The following TNRC18 variants were observed in gnomAD, a reference collection of about 807,000 sequenced individuals.
TNRC18 encodes the protein trinucleotide repeat-containing gene 18 protein.
Under a neutral mutation model 226.7 loss-of-function variants are expected in TNRC18, and 69 were observed. The ratio of observed to expected loss-of-function variants is 0.30; its 90% confidence interval spans 0.25 to 0.37. The LOEUF (loss-of-function observed/expected upper bound fraction) is 0.37. Ranked by LOEUF, TNRC18 falls within the 10% of genes least tolerant of loss-of-function variation. TNRC18 has a pLI of 1.00. For missense variants in TNRC18, 4,754 were observed against 4,256.6 expected (o/e 1.12, Z -3.25); for synonymous variants, 2,449 against 1,927.6 (o/e 1.27, Z -7.09).
chr7:5,315,433 T>G (rs1307583254), intron 25 of TNRC18, among the ~76,000 whole-genome samples: 3 of 151,428 alleles, frequency 2.0e-5, no homozygotes, highest in Non-Finnish European at 1.5e-5. Flanking sequence ...TTTTTTTTTT[T>G]TTTTTTTTTA....
At chr7:5,387,643 C>G (rs1253889391) in intron 5 of TNRC18, 29 bp downstream of exon 5, 5 of 1,600,374 alleles carry the variant, frequency 3.1e-6, no homozygotes, top group Non-Finnish European at 4.2e-6. Flanking sequence ...CAAGATCCTA[C>G]CCGCACCTGG....
At chr7:5,386,181 G>C (rs955064428) in intron 5 of TNRC18, among the ~76,000 whole-genome samples, 2 of 144,358 alleles carry the variant, frequency 1.4e-5, no homozygotes, top group Non-Finnish European at 3.0e-5. Context: ...CCAGCTACTC[G>C]GGAGGCTGAG....
chr7:5,368,825 T>C (rs557046647), intron 11 of TNRC18, among the ~76,000 whole-genome samples: 1 of 152,104 alleles, frequency 6.6e-6, no homozygotes, highest in African/African-American at 2.4e-5. Context: ...TCAACGGGTG[T>C]TGCCCCGGCC....
In TNRC18 at chr7:5,312,893, G is replaced by C. The variant is rs1460867710; in HGVS notation, c.7998C>G (p.Ser2666=). Residue 2666 remains serine, a synonymous_variant, in exon 27 of 30, where the codon TCC becomes TCG. Transcript: ENST00000430969. This position sits in a 1 kb window ranked among gnomAD's most constrained non-coding sequence, Gnocchi z 6.3. ...SSSSSSSSSS[S]SSSSSTTDED... The stretch of plus-strand genomic sequence containing the variant: ...CGTCTGTGGTGGAGGAAGAAGAGGA[G>C]GAAGAGGAGGAGGAGGAGGAGGATG... 6.6e-7 allele frequency: 1 copy of C among 1,519,998 alleles called. No individual in the cohort carries two copies. Among genetic ancestry groups the C allele is most frequent in the African/African-American group, 1.4e-5 (1 of 73,008 alleles). 94.2% of individuals were successfully genotyped at this position (1,519,998 alleles called of 1,614,324 possible). A position where few individuals can be genotyped will look rare whatever the true frequency, so the allele number is the denominator to read the frequency against.
At chr7:5,339,492 G>C (rs965266904) in intron 18 of TNRC18, among the ~76,000 whole-genome samples, 1 of 151,326 alleles carries the variant, frequency 6.6e-6, no homozygotes, top group East Asian at 2.0e-4. Context: ...TATCTGCCTC[G>C]GCCTCCCAAA....
chr7:5,332,587 C>G lies in TNRC18; in HGVS notation c.6147+35G>C. On this transcript the variant is annotated intron_variant, in intron 19 of 29. Coordinates refer to ENST00000430969, the MANE Select transcript of TNRC18 (RefSeq NM_001080495.3). ...CCCTCCCTCACGGAACCCCAGGGAC[C>G]CTTCTGCGGCACCCCCTCCCAGCGC... The G allele has an allele frequency of 2.0e-6, 3 of 1,504,192 alleles. No individual in the cohort carries two copies. The South Asian group carries it at 3.8e-5, about 19-fold the overall frequency. The allele number at this position is 1,504,192 out of a possible 1,614,324, so 93.2% of individuals were successfully genotyped here. A position where few individuals can be genotyped will look rare whatever the true frequency, so the allele number is the denominator to read the frequency against.
rs140781391 is a variant in TNRC18 at position 5,313,622 on chromosome 7, G to T, written c.7269C>A (p.Ala2423=). 170,825 of 1,602,592 alleles carry T rather than the reference G, an allele frequency of 0.11. 9,949 individuals carry two copies. The highest frequency in any genetic ancestry group is 0.19 in the Admixed American group (11,239 of 57,784). Reference sequence around the variant, plus strand: ...CAGGCATGGTGATGAGGGGTGCTGGGGCCAGGGAGGTGGCAGGAGCTGGCA... The same window carrying T: ...CAGGCATGGTGATGAGGGGTGCTGGTGCCAGGGAGGTGGCAGGAGCTGGCA... ...AELPAPATSL[A]PAPLITMPAT... Residue 2423 remains alanine (A), a synonymous_variant, in exon 27 of 30, where the codon GCC becomes GCA. Coordinates refer to ENST00000430969, the MANE Select transcript of TNRC18 (RefSeq NM_001080495.3).
rs766659675 is a variant in TNRC18 at position 5,376,194 on chromosome 7, G to A, written c.2639C>T (p.Pro880Leu). 1 of 1,535,182 alleles carries A rather than the reference G, an allele frequency of 6.5e-7. No individual in the cohort carries two copies. Among genetic ancestry groups the A allele is most frequent in the Non-Finnish European group, 8.7e-7 (1 of 1,143,484 alleles). ...AELMERATVPPLWPALYPPGR... is the reference protein window; with the variant it reads ...AELMERATVPLLWPALYPPGR... Reference sequence around the variant, plus strand: ...CGGCGGGTACAGGGCGGGCCAGAGGGGCGGTACGGTGGCCCGCTCCATCAG... The same window carrying A: ...CGGCGGGTACAGGGCGGGCCAGAGGAGCGGTACGGTGGCCCGCTCCATCAG... Residue 880 changes from proline to leucine, a missense_variant, in exon 9 of 30, where the codon CCC (proline) becomes CTC (leucine). Pro to Leu is a moderately conservative substitution (Grantham distance 98). Transcript: ENST00000430969.
intron 2 of TNRC18, chr7:5,419,843 A>C (rs547894743): frequency 5.2e-4 from 79 of 152,408 alleles, no homozygotes; most frequent in African/African-American, 1.8e-3. Flanking sequence ...TCAAAGAGAG[A>C]GCAAAATCGG....
At chr7:5,398,687 AG>A (rs1780874981) in intron 2 of TNRC18, among the ~76,000 whole-genome samples, 1 of 151,672 alleles carries the variant, frequency 6.6e-6, no homozygotes, top group African/African-American at 2.4e-5. Context: ...GCTCAATCAT[AG>A]CTCACTACAG....
intron 5 of TNRC18, among the ~76,000 whole-genome samples, chr7:5,385,747 G>A (rs975187395): frequency 4.6e-5 from 7 of 151,594 alleles, no homozygotes; most frequent in Non-Finnish European, 8.8e-5. Flanking sequence ...GCTGAGGCAG[G>A]TGGATCAACT....
intron 19 of TNRC18, among the ~76,000 whole-genome samples, chr7:5,332,134 G>C (rs997450389): frequency 2.6e-5 from 4 of 152,120 alleles, no homozygotes; most frequent in Non-Finnish European, 5.9e-5. Flanking sequence ...AAGAGAGTAA[G>C]GACCTCTGTA....
chr7:5,367,403 G>A (rs996793096), intron 11 of TNRC18, among the ~76,000 whole-genome samples: 1 of 151,892 alleles, frequency 6.6e-6, no homozygotes, highest in African/African-American at 2.4e-5. Context: ...AGTACCAGGT[G>A]GGAAGACCAA....
chr7:5,399,488 A>C (rs189341643), intron 2 of TNRC18, among the ~76,000 whole-genome samples: 1 of 151,364 alleles, frequency 6.6e-6, no homozygotes, highest in East Asian at 2.0e-4. Flanking sequence ...CGAGGCGGGC[A>C]GATCACTTGA....
intron 18 of TNRC18, among the ~76,000 whole-genome samples, chr7:5,344,873 C>A (rs1013174928): frequency 3.9e-5 from 6 of 152,190 alleles, no homozygotes; most frequent in Non-Finnish European, 7.3e-5. Context: ...GGCCCTGATG[C>A]AGGGAAACAG....
chr7:5,362,114 TGAGG>T (rs2128161559), intron 12 of TNRC18, 81 bp from the exon 13 acceptor site: 2 of 1,534,800 alleles, frequency 1.3e-6, no homozygotes, highest in African/African-American at 1.4e-5. Flanking sequence ...GGGGTGCCCC[TGAGG>T]AAGGGGAGAC....
chr7:5,320,580 C>T lies in TNRC18; in HGVS notation c.6588G>A (p.Arg2196=), dbSNP rs1401925716. The T allele has an allele frequency of 6.2e-7, 1 of 1,611,592 alleles. No homozygotes were observed. The highest frequency in any genetic ancestry group is 1.7e-5 in the Admixed American group (1 of 59,988). The change falls in exon 23 of 30, where the codon CGG becomes CGA. Residue 2196 remains arginine, a synonymous_variant. Coordinates refer to ENST00000430969, the MANE Select transcript of TNRC18 (RefSeq NM_001080495.3). ...GACAGTAGATGTGGGGCCGGTTGCCCCGCTCACCCTCCACCACCACGCGGT... is the reference window on the plus strand; with the variant it reads ...GACAGTAGATGTGGGGCCGGTTGCCTCGCTCACCCTCCACCACCACGCGGT... ...DIYRVVVEGE[R]GNRPHIYCLE...
intron 17 of TNRC18, among the ~76,000 whole-genome samples, chr7:5,351,357 G>A (rs1791787434): frequency 6.6e-6 from 1 of 152,140 alleles, no homozygotes; most frequent in Non-Finnish European, 1.5e-5. Context: ...CAAACATCAA[G>A]TCACACGCCC....
chr7:5,331,650 A>T lies in TNRC18; in HGVS notation c.6147+972T>A, dbSNP rs188950932. 8.3e-4 allele frequency among the ~76,000 whole-genome samples: 126 copies of T among 152,348 alleles called. 1 individual carries two copies. The highest frequency in any genetic ancestry group is 1.6e-3 in the Non-Finnish European group (107 of 68,038). ...CAGAAGTACAGCACTAGCCGGGTGC[A>T]GTGGCTCACGCCTGGAATCTCAACA... On this transcript the variant is annotated intron_variant, in intron 19 of 29. Coordinates refer to ENST00000430969, the MANE Select transcript of TNRC18 (RefSeq NM_001080495.3).
Sources: allele counts gnomAD v4.1 joint callset (sites outside exome capture counted in the v4.1 genomes callset), GRCh38; gene constraint gnomAD v4.1.1; non-coding constraint Gnocchi (gnomAD v3.1); transcripts MANE v1.5; gene names NCBI Gene and HGNC (gene_info 2026-07-23, HGNC 2026-07-21).